Variants in ENTREP2 observed in about 807,000 individuals in gnomAD.
ENTREP2 encodes protein ENTREP2.
the ENTREP2 span, among the ~76,000 whole-genome samples, chr15:29,365,544 A>G: frequency 5.9e-5 from 9 of 152,010 alleles, no homozygotes; most frequent in African/African-American, 2.2e-4. Flanking sequence ...ATTTCTTTTT[A>G]GCACTGACTA....
chr15:29,356,430 C>G, the ENTREP2 span, among the ~76,000 whole-genome samples: 1 of 149,292 alleles, frequency 6.7e-6, no homozygotes, highest in African/African-American at 2.5e-5. Flanking sequence ...CCTCGCCTCC[C>G]GAGTAGCTGG....
the ENTREP2 span, among the ~76,000 whole-genome samples, chr15:29,542,301 C>A: frequency 3.4e-4 from 52 of 152,230 alleles, no homozygotes; most frequent in African/African-American, 1.2e-3. Context: ...AGGCATGAGC[C>A]AGCACACCCG....
chr15:29,485,854 A>G, the ENTREP2 span, among the ~76,000 whole-genome samples: 4 of 152,348 alleles, frequency 2.6e-5, no homozygotes, highest in African/African-American at 9.6e-5. Context: ...TATCAAAAAG[A>G]CAGAACGTAA....
the ENTREP2 span, chr15:29,570,669 G>C: frequency 8.2e-7 from 1 of 1,215,310 alleles, no homozygotes; most frequent in Non-Finnish European, 1.0e-6. Context: ...AGGCGGGACA[G>C]GCTGCGGGGC....
chr15:29,146,618 T>A, the ENTREP2 span, among the ~76,000 whole-genome samples: 1 of 152,062 alleles, frequency 6.6e-6, no homozygotes, highest in African/African-American at 2.4e-5. Context: ...ACACAGTGTA[T>A]AACAATGAAC....
chr15:29,173,096 C>T, the ENTREP2 span, among the ~76,000 whole-genome samples: 2 of 152,206 alleles, frequency 1.3e-5, no homozygotes, highest in Non-Finnish European at 2.9e-5. Context: ...TAGTTCCACA[C>T]TGGTCTAGCT....
the ENTREP2 span, among the ~76,000 whole-genome samples, chr15:29,314,287 C>G: frequency 1.3e-5 from 2 of 152,176 alleles, no homozygotes; most frequent in Non-Finnish European, 2.9e-5. Context: ...GGGTAAAACG[C>G]TATCAAACAG....
At chr15:29,497,676 T>C in the ENTREP2 span, among the ~76,000 whole-genome samples, 3 of 152,256 alleles carry the variant, frequency 2.0e-5, no homozygotes, top group East Asian at 5.8e-4. Flanking sequence ...TCTTCTTTTT[T>C]CTTAATCTAA....
At chr15:29,654,108 T>G in the ENTREP2 span, among the ~76,000 whole-genome samples, 1 of 152,208 alleles carries the variant, frequency 6.6e-6, no homozygotes, top group African/African-American at 2.4e-5. Context: ...ATCTTAAATA[T>G]TAGACCCATC....
chr15:29,259,630 C>A, the ENTREP2 span, among the ~76,000 whole-genome samples: 1 of 152,034 alleles, frequency 6.6e-6, no homozygotes, highest in East Asian at 1.9e-4. Context: ...ACTTTACTAA[C>A]CACCCCCTAC....
chr15:29,471,520 C>T, the ENTREP2 span, among the ~76,000 whole-genome samples: 1 of 152,110 alleles, frequency 6.6e-6, no homozygotes, highest in Admixed American at 6.5e-5. Context: ...AGAACAGCGG[C>T]TACAAAGTGG....
chr15:29,525,477 T>C, the ENTREP2 span, among the ~76,000 whole-genome samples: 26 of 152,248 alleles, frequency 1.7e-4, no homozygotes, highest in East Asian at 4.4e-3. Flanking sequence ...GTTAAGAAAA[T>C]AGACCACTAC....
chr15:29,406,914 G>C, the ENTREP2 span, among the ~76,000 whole-genome samples: 1 of 152,122 alleles, frequency 6.6e-6, no homozygotes, highest in African/African-American at 2.4e-5. Context: ...TTATGACTAC[G>C]TAAAATGTCA....
the ENTREP2 span, among the ~76,000 whole-genome samples, chr15:29,236,974 A>G: frequency 6.6e-6 from 1 of 152,208 alleles, no homozygotes; most frequent in Middle Eastern, 3.2e-3. Flanking sequence ...CAAAAAATCC[A>G]CAATAAAATA....
At chr15:29,501,778 C>A in the ENTREP2 span, among the ~76,000 whole-genome samples, 2 of 151,486 alleles carry the variant, frequency 1.3e-5, no homozygotes, top group Non-Finnish European at 2.9e-5. Flanking sequence ...TAGAGAAAAC[C>A]CTAAATAATA....
the ENTREP2 span, among the ~76,000 whole-genome samples, chr15:29,555,299 T>C: frequency 6.6e-6 from 1 of 152,188 alleles, no homozygotes; most frequent in African/African-American, 2.4e-5. Context: ...CTTTTGTCCT[T>C]TCAATGCCCG....
the ENTREP2 span, among the ~76,000 whole-genome samples, chr15:29,395,649 T>A: frequency 1.3e-5 from 2 of 151,554 alleles, no homozygotes; most frequent in Non-Finnish European, 2.9e-5. Flanking sequence ...CTGCTCAGCC[T>A]CCCGAGTAGT....
At chr15:29,530,130 T>C in the ENTREP2 span, among the ~76,000 whole-genome samples, 1 of 152,076 alleles carries the variant, frequency 6.6e-6, no homozygotes, top group African/African-American at 2.4e-5. Context: ...GGAAGGCGCC[T>C]AGGTGGGGAG....
At chr15:29,609,653 A>AT in the ENTREP2 span, 1 of 150,056 alleles carries the variant, frequency 6.7e-6, no homozygotes, top group Non-Finnish European at 1.5e-5. Context: ...TTACCCAATT[A>AT]TTACTAATTA....
Sources: allele counts gnomAD v4.1 joint callset (sites outside exome capture counted in the v4.1 genomes callset), GRCh38; gene constraint gnomAD v4.1.1; transcripts MANE v1.5; gene names NCBI Gene and HGNC (gene_info 2026-07-23, HGNC 2026-07-21).